The following FGF12 variants were observed in gnomAD, a reference collection of about 807,000 sequenced individuals.
FGF12 encodes the protein fibroblast growth factor 12B.
Under a neutral mutation model 23.6 loss-of-function variants are expected in FGF12, and 14 were observed. That is an observed-to-expected ratio of 0.59 (90% confidence interval 0.39 to 0.93). The LOEUF is 0.93. Ranked by LOEUF, FGF12 falls within the 40% of genes least tolerant of loss-of-function variation. The pLI, the probability that FGF12 is intolerant of heterozygous loss-of-function variation, is 0.00. For synonymous variants in FGF12, 62 were observed against 77.3 expected, an observed-to-expected ratio of 0.80 and a Z score of 1.04; for missense variants, 175 against 217.8, an observed-to-expected ratio of 0.80 and a Z score of 1.24.
intron 2 of FGF12, among the ~76,000 whole-genome samples, chr3:192,594,069 G>T (rs538013834): frequency 6.6e-6 from 1 of 151,926 alleles, no homozygotes; most frequent in African/African-American, 2.4e-5. Context: ...TCCAAAGAAC[G>T]TAGTGGAGCT....
At chr3:192,460,682 TTA>T (rs35031609) in intron 2 of FGF12, among the ~76,000 whole-genome samples, 10,199 of 142,194 alleles carry the variant, frequency 0.072, 1,133 homozygotes, top group African/African-American at 0.24. Context: ...ACACATATAT[TTA>T]TATATATATA....
At chr3:192,527,189 C>T (rs1183230184) in intron 2 of FGF12, among the ~76,000 whole-genome samples, 1 of 152,176 alleles carries the variant, frequency 6.6e-6, no homozygotes, top group Non-Finnish European at 1.5e-5. Context: ...ACACACTTGC[C>T]TTCTGCTATG....
intron 4 of FGF12, among the ~76,000 whole-genome samples, chr3:192,324,079 G>A (rs779985807): frequency 3.3e-5 from 5 of 151,712 alleles, no homozygotes; most frequent in Admixed American, 6.6e-5. Flanking sequence ...GCGACAGAGC[G>A]AGACTGTCTC....
At chr3:192,706,594 T>C (rs760865679) in intron 2 of FGF12, among the ~76,000 whole-genome samples, 33 of 152,148 alleles carry the variant, frequency 2.2e-4, no homozygotes, top group Non-Finnish European at 4.0e-4. Flanking sequence ...TTGCTTGTCA[T>C]ATAGTACAAT....
intron 2 of FGF12, among the ~76,000 whole-genome samples, chr3:192,658,365 C>A (rs1716525832): frequency 6.6e-6 from 1 of 152,198 alleles, no homozygotes; most frequent in African/African-American, 2.4e-5. Flanking sequence ...CCTCTTTCAA[C>A]TCAAGATCAG....
At chr3:192,570,040 AAGT>A (rs1712521633) in intron 2 of FGF12, among the ~76,000 whole-genome samples, 3 of 152,350 alleles carry the variant, frequency 2.0e-5, no homozygotes, top group African/African-American at 7.2e-5. Context: ...TTCCAAAGGC[AAGT>A]AAGAACCAGA....
intron 4 of FGF12, among the ~76,000 whole-genome samples, chr3:192,319,696 G>A (rs1412268084): frequency 6.6e-6 from 1 of 152,120 alleles, no homozygotes; most frequent in East Asian, 1.9e-4. Flanking sequence ...TTAAAGGCAA[G>A]GGGATGAATC....
At chr3:192,283,043 GGA>G (rs1714241716) in intron 4 of FGF12, 1 of 152,092 alleles carries the variant, frequency 6.6e-6, no homozygotes, top group African/African-American at 2.4e-5. Flanking sequence ...TGTATGTGAG[GGA>G]AAACCGGGAG....
At chr3:192,300,557 G>A (rs892132349) in intron 4 of FGF12, among the ~76,000 whole-genome samples, 1 of 152,112 alleles carries the variant, frequency 6.6e-6, no homozygotes, top group Admixed American at 6.6e-5. Context: ...GGGCGGTCAT[G>A]AGAAGTAAGA....
At chr3:192,538,485 G>T (rs1725288392) in intron 2 of FGF12, among the ~76,000 whole-genome samples, 1 of 152,092 alleles carries the variant, frequency 6.6e-6, no homozygotes, top group African/African-American at 2.4e-5. Flanking sequence ...CTATTTGTCT[G>T]GTTTTATGCC....
intron 2 of FGF12, among the ~76,000 whole-genome samples, chr3:192,582,040 A>G (rs1713178308): frequency 6.6e-6 from 1 of 152,214 alleles, no homozygotes; most frequent in African/African-American, 2.4e-5. Flanking sequence ...GGCCCACTAA[A>G]GTAGAGTCTT....
rs546048795 is a variant in FGF12, at chr3:192,433,115, T to C, written c.14-72577A>G. ...ATCCAGGGAATTCCTAGAAAGGGCA[T>C]TGATTCATCATTTTTAGATTCATTG... On this transcript the variant is annotated intron_variant, in intron 2 of 5. Transcript: ENST00000445105. Among the ~76,000 whole-genome samples the C allele has an allele frequency of 3.4e-3, 524 of 152,280 alleles. 1 individual carries two copies. Among genetic ancestry groups the C allele is most frequent in the Non-Finnish European group, 6.5e-3 (443 of 68,020 alleles).
At chr3:192,290,988 C>T (rs1376700068) in intron 4 of FGF12, among the ~76,000 whole-genome samples, 1 of 152,104 alleles carries the variant, frequency 6.6e-6, no homozygotes, top group Non-Finnish European at 1.5e-5. Context: ...TTTTTCACCT[C>T]TATGCATATA....
intron 4 of FGF12, among the ~76,000 whole-genome samples, chr3:192,308,155 G>A (rs1715747813): frequency 6.6e-6 from 1 of 152,068 alleles, no homozygotes; most frequent in South Asian, 2.1e-4. Flanking sequence ...AAGCTTTTAA[G>A]AATGAAAACC....
intron 4 of FGF12, among the ~76,000 whole-genome samples, chr3:192,188,413 C>T (rs534643715): frequency 1.9e-4 from 29 of 152,294 alleles, no homozygotes; most frequent in African/African-American, 6.3e-4. Flanking sequence ...GAGAATGCCG[C>T]CACTAGGTGG....
intron 2 of FGF12, among the ~76,000 whole-genome samples, chr3:192,704,904 G>A (rs1007873909): frequency 3.3e-5 from 5 of 152,194 alleles, no homozygotes; most frequent in Non-Finnish European, 7.3e-5. Context: ...TAAACCTCAT[G>A]AACCACCCTC....
At chr3:192,589,333 C>CAAAA (rs34596382) in intron 2 of FGF12, among the ~76,000 whole-genome samples, 1 of 123,718 alleles carries the variant, frequency 8.1e-6, no homozygotes. Context: ...GACTCCATCT[C>CAAAA]AAAAAAAAAA....
At chr3:192,722,933 A>G (rs1219124340) in intron 2 of FGF12, among the ~76,000 whole-genome samples, 1 of 152,222 alleles carries the variant, frequency 6.6e-6, no homozygotes, top group African/African-American at 2.4e-5. Flanking sequence ...TTGTTTAAAT[A>G]AAAAGCACAA....
rs753937284 is a variant in FGF12, at chr3:192,493,434, A to AGGG, written c.14-132899_14-132897dup. Among the ~76,000 whole-genome samples the AGGG allele has an allele frequency of 7.9e-5, 12 of 152,306 alleles. 1 individual carries two copies. The highest frequency in any genetic ancestry group is 5.2e-4 in the Admixed American group (8 of 15,304). ...TGCACTTATCCAAGTCTATGTGCTA[A>AGGG]GGGTTTTATTATTTTATAGCAAATT... On this transcript the variant is annotated intron_variant, in intron 2 of 5. Transcript: ENST00000445105.
Sources: gnomAD v4.1 joint callset for allele counts (sites outside exome capture counted in the v4.1 genomes callset) on GRCh38, gnomAD v4.1.1 for gene constraint, MANE v1.5 for transcripts, NCBI Gene and HGNC (gene_info 2026-07-23, HGNC 2026-07-21) for gene names.